Variants in GRIK1 observed in about 807,000 individuals in gnomAD.
GRIK1 encodes glutamate ionotropic receptor kainate type subunit 1.
A neutral mutation model predicts 105.7 loss-of-function variants in GRIK1; 69 were observed. The ratio of observed to expected loss-of-function variants is 0.65; its 90% CI spans 0.54 to 0.80. The LOEUF is 0.80. GRIK1 is among the 30% of genes least tolerant of loss of function. The probability of loss-of-function intolerance (pLI) is 0.00; values close to 1 mark genes in which losing one functional copy is unlikely to be tolerated. For missense variants in GRIK1, 1,109 were observed against 1,167.3 expected, an observed-to-expected ratio of 0.95 and a Z score of 0.73; for synonymous variants, 438 against 431.3, an observed-to-expected ratio of 1.02 and a Z score of -0.19.
At chr21:29,892,246 T>A (rs2069928910) in intron 1 of GRIK1, among the ~76,000 whole-genome samples, 1 of 152,188 alleles carries the variant, frequency 6.6e-6, no homozygotes. Context: ...TTGGAAAAGC[T>A]AGCCAGAGGA....
Position 29,883,353 on chromosome 21 carries a change from G to T in GRIK1, c.118+56030C>A, listed in dbSNP as rs181266511. On this transcript the variant is annotated intron_variant, in intron 1 of 17. Transcript: ENST00000327783. ...AAATAAAAATAATGGCTTCACATTT[G>T]ACCTTTAGCAAGTAAAGAATTCTCA... Among the ~76,000 whole-genome samples, 59 of 152,094 alleles carry T rather than the reference G, an allele frequency of 3.9e-4. 1 individual carries two copies. Among genetic ancestry groups the T allele is most frequent in the African/African-American group, 1.2e-3 (51 of 41,484 alleles).
chr21:29,720,493 A>ATGTGTGTGTGTGTGTG (rs1298573752), intron 1 of GRIK1, among the ~76,000 whole-genome samples: 3 of 150,494 alleles, frequency 2.0e-5, no homozygotes, highest in Non-Finnish European at 2.9e-5. Flanking sequence ...ATGTGTGTGT[A>ATGTGTGTGTGTGTGTG]TATGTGTGTG....
At chr21:29,618,822 C>A (rs1466595354) in intron 7 of GRIK1, among the ~76,000 whole-genome samples, 5 of 152,030 alleles carry the variant, frequency 3.3e-5, no homozygotes, top group Admixed American at 1.3e-4. Context: ...TCTGAATATG[C>A]AAAGCCATAA....
intron 1 of GRIK1, among the ~76,000 whole-genome samples, chr21:29,779,009 GC>G (rs946392106): frequency 2.0e-5 from 3 of 152,152 alleles, no homozygotes; most frequent in African/African-American, 7.2e-5. Flanking sequence ...GTGAGATAAT[GC>G]CCCCAAGAAA....
intron 7 of GRIK1, among the ~76,000 whole-genome samples, chr21:29,620,808 T>TATATATATATAGATAG (rs1555851208): frequency 1.6e-5 from 2 of 122,628 alleles, no homozygotes; most frequent in African/African-American, 7.2e-5. Context: ...TATATATAGA[T>TATATATATATAGATAG]ATATATATAT....
chr21:29,928,576 G>C (rs1020212658), intron 1 of GRIK1, among the ~76,000 whole-genome samples: 1 of 152,220 alleles, frequency 6.6e-6, no homozygotes, highest in Admixed American at 6.5e-5. Flanking sequence ...GAGATAACCA[G>C]CAGGACTTGA....
intron 7 of GRIK1, among the ~76,000 whole-genome samples, chr21:29,600,181 T>A (rs2061493288): frequency 6.6e-6 from 1 of 152,214 alleles, no homozygotes; most frequent in Non-Finnish European, 1.5e-5. Context: ...CTGGATAATT[T>A]CCCCATCTCA....
chr21:29,753,197 A>G (rs2065248928), intron 1 of GRIK1, among the ~76,000 whole-genome samples: 1 of 152,362 alleles, frequency 6.6e-6, no homozygotes, highest in African/African-American at 2.4e-5. Context: ...GTTAATAACA[A>G]TTTTATAAAA....
intron 1 of GRIK1, among the ~76,000 whole-genome samples, chr21:29,758,667 A>T (rs55670159): frequency 1.3e-5 from 2 of 152,236 alleles, no homozygotes; most frequent in Non-Finnish European, 2.9e-5. Flanking sequence ...GCCACAAAAC[A>T]TCATTAGACT....
intron 12 of GRIK1, among the ~76,000 whole-genome samples, chr21:29,583,204 A>G (rs1453019775): frequency 6.6e-6 from 1 of 152,154 alleles, no homozygotes; most frequent in Non-Finnish European, 1.5e-5. Context: ...TTAATTGACA[A>G]TGCCATGCCA....
At chr21:29,783,287 G>C (rs950367919) in intron 1 of GRIK1, among the ~76,000 whole-genome samples, 4 of 152,050 alleles carry the variant, frequency 2.6e-5, no homozygotes, top group African/African-American at 9.7e-5. Context: ...GGCAAAAATA[G>C]TACCATTGAT....
At chr21:29,935,039 C>T (rs1387759654) in intron 1 of GRIK1, among the ~76,000 whole-genome samples, 1 of 152,118 alleles carries the variant, frequency 6.6e-6, no homozygotes, top group Non-Finnish European at 1.5e-5. Flanking sequence ...ACACAGGTGC[C>T]TCTCTCAGTG....
chr21:29,723,539 G>A (rs542266485), intron 1 of GRIK1, among the ~76,000 whole-genome samples: 1 of 152,162 alleles, frequency 6.6e-6, no homozygotes, highest in Non-Finnish European at 1.5e-5. Flanking sequence ...TAAACAGATT[G>A]TCAGGATTTC....
intron 1 of GRIK1, among the ~76,000 whole-genome samples, chr21:29,794,493 C>A (rs1409597276): frequency 6.6e-6 from 1 of 152,138 alleles, no homozygotes; most frequent in African/African-American, 2.4e-5. Context: ...TATTATAGTT[C>A]TATAATTGTC....
At chr21:29,608,618 T>G (rs181633406) in intron 7 of GRIK1, among the ~76,000 whole-genome samples, 2 of 152,164 alleles carry the variant, frequency 1.3e-5, no homozygotes, top group African/African-American at 2.4e-5. Flanking sequence ...ATCACTTACC[T>G]TCTATGTCAT....
intron 1 of GRIK1, among the ~76,000 whole-genome samples, chr21:29,895,608 A>G (rs1290808367): frequency 6.6e-6 from 1 of 152,166 alleles, no homozygotes; most frequent in Non-Finnish European, 1.5e-5. Flanking sequence ...ATCTTGCCAC[A>G]TCCTCCCAGA....
At chr21:29,760,538 A>G (rs939264763) in intron 1 of GRIK1, 1 of 152,230 alleles carries the variant, frequency 6.6e-6, no homozygotes, top group Non-Finnish European at 1.5e-5. Flanking sequence ...TTCCCATTTC[A>G]CCATTAATGG....
intron 1 of GRIK1, among the ~76,000 whole-genome samples, chr21:29,936,535 C>A (rs1237477312): frequency 1.3e-5 from 2 of 152,206 alleles, no homozygotes; most frequent in Non-Finnish European, 2.9e-5. Flanking sequence ...ACTCCAGCAG[C>A]TCCACACAAT....
chr21:29,580,716 C>T (rs2091008244), intron 13 of GRIK1, among the ~76,000 whole-genome samples: 1 of 151,806 alleles, frequency 6.6e-6, no homozygotes, highest in Admixed American at 6.6e-5. Context: ...GCATTTAATC[C>T]TGGAAAAATT....
Sources: gnomAD v4.1 joint callset for allele counts (sites outside exome capture counted in the v4.1 genomes callset) on GRCh38, gnomAD v4.1.1 for gene constraint, MANE v1.5 for transcripts, NCBI Gene and HGNC (gene_info 2026-07-23, HGNC 2026-07-21) for gene names.